DPP6: variants seen among roughly 807,000 people sequenced by gnomAD.
DPP6 encodes dipeptidyl peptidase like 6.
In DPP6, 69 loss-of-function variants were observed where a neutral mutation model predicts 122.6. That is an observed-to-expected ratio of 0.56 (90% CI 0.46 to 0.69). DPP6 has a LOEUF of 0.69. DPP6 is among the 30% of genes least tolerant of loss of function. DPP6 has a pLI of 0.00. For missense variants in DPP6, 928 were observed against 1,116.9 expected (o/e 0.83, Z 2.41); for synonymous variants, 418 against 433.1 (o/e 0.97, Z 0.43).
chr7:154,424,872 C>A (rs1310969811), intron 1 of DPP6, among the ~76,000 whole-genome samples: 1 of 152,210 alleles, frequency 6.6e-6, no homozygotes, highest in Non-Finnish European at 1.5e-5. Context: ...GTAACCTCTG[C>A]CATCTCTTTC....
chr7:154,686,406 A>C (rs1427122405), intron 7 of DPP6, among the ~76,000 whole-genome samples: 1 of 150,346 alleles, frequency 6.7e-6, no homozygotes, highest in Non-Finnish European at 1.5e-5. Flanking sequence ...ATTCAAGGCC[A>C]CCATAAGGAT....
At chr7:154,743,919 TG>T (rs1253909136) in intron 8 of DPP6, among the ~76,000 whole-genome samples, 3 of 152,166 alleles carry the variant, frequency 2.0e-5, no homozygotes, top group Non-Finnish European at 4.4e-5. Flanking sequence ...TGTATTTGGT[TG>T]AAAAAATCTG....
chr7:154,867,934 C>T lies in DPP6; in HGVS notation c.1715-61C>T, dbSNP rs549830986. Reference sequence around the variant, plus strand: ...GTTACGCACATGAAAAGCCATGGCCCGCAGAGGTCCTCCATGAGTGACCAC... The same window carrying T: ...GTTACGCACATGAAAAGCCATGGCCTGCAGAGGTCCTCCATGAGTGACCAC... On this transcript the variant is annotated intron_variant, in intron 17 of 25. Coordinates refer to ENST00000377770, the MANE Select transcript of DPP6 (RefSeq NM_130797.4). 1.1e-5 allele frequency: 16 copies of T among 1,513,170 alleles called. No homozygotes were observed. In the Admixed American group the frequency reaches 1.8e-4, roughly 17 times the overall value. 93.7% of individuals were successfully genotyped at this position (1,513,170 alleles called of 1,614,324 possible). A position where few individuals can be genotyped will look rare whatever the true frequency, so the allele number is the denominator to read the frequency against.
chr7:154,107,800 G>A (rs1056197501), intron 1 of DPP6, among the ~76,000 whole-genome samples: 40 of 152,290 alleles, frequency 2.6e-4, no homozygotes, highest in African/African-American at 9.1e-4. Context: ...AAGTGCTGGT[G>A]AGGGGTTGCT....
upstream of DPP6, among the ~76,000 whole-genome samples, chr7:153,886,489 C>A (rs1220159116): frequency 6.6e-6 from 1 of 152,138 alleles, no homozygotes; most frequent in Non-Finnish European, 1.5e-5. Context: ...GGGGTCAGAT[C>A]CCGCAGGCAG....
chr7:154,742,994 G>A (rs539434467), intron 8 of DPP6, among the ~76,000 whole-genome samples: 4 of 152,282 alleles, frequency 2.6e-5, no homozygotes, highest in African/African-American at 7.2e-5. Context: ...GGAGCATAAC[G>A]TACCATCCTT....
chr7:154,151,393 G>A (rs1796412279), intron 1 of DPP6, among the ~76,000 whole-genome samples: 1 of 152,154 alleles, frequency 6.6e-6, no homozygotes, highest in Non-Finnish European at 1.5e-5. Context: ...TTTTGTCACT[G>A]CATTCCTGTG....
intron 2 of DPP6, among the ~76,000 whole-genome samples, chr7:154,450,109 G>C (rs6464424): frequency 6.6e-6 from 1 of 151,754 alleles, no homozygotes; most frequent in Non-Finnish European, 1.5e-5. Flanking sequence ...GGAATGAAGA[G>C]CTGATCCATG....
intron 1 of DPP6, among the ~76,000 whole-genome samples, chr7:154,141,268 A>G (rs1260552819): frequency 6.6e-6 from 1 of 152,274 alleles, no homozygotes; most frequent in Admixed American, 6.5e-5. Flanking sequence ...TTAAAATTTC[A>G]TTAAACTTTT....
rs1302728172 is a variant in DPP6 at position 154,060,358 on chromosome 7, C to T, written c.243+7295C>T. 4.8e-3 allele frequency among the ~76,000 whole-genome samples: 504 copies of T among 105,564 alleles called. 22 individuals are homozygous for T. Among genetic ancestry groups the T allele is most frequent in the African/African-American group, 0.01 (250 of 24,458 alleles). 69.3% of individuals were successfully genotyped at this position (105,564 alleles called of 152,430 possible). ...GGAGGCACCCCCCGCGAGGCAGGGACTGAGAGCCAGCCCCTGGTTCCCCCA... is the reference window on the plus strand; with the variant it reads ...GGAGGCACCCCCCGCGAGGCAGGGATTGAGAGCCAGCCCCTGGTTCCCCCA... On this transcript the variant is annotated intron_variant, in intron 1 of 25. Transcript: ENST00000377770.
At chr7:154,239,891 C>T (rs1801467325) in intron 1 of DPP6, among the ~76,000 whole-genome samples, 1 of 149,864 alleles carries the variant, frequency 6.7e-6, no homozygotes, top group Admixed American at 6.6e-5. Context: ...ACTGAGGTGG[C>T]TGAGGCAGGA....
rs1472729224 is a variant in DPP6 at position 154,060,675 on chromosome 7, T to G, written c.243+7612T>G. Among the ~76,000 whole-genome samples the G allele has an allele frequency of 2.3e-5, 3 of 128,064 alleles. No homozygotes were observed. In the Admixed American group the frequency reaches 2.5e-4, roughly 11 times the overall value. 84.0% of individuals were successfully genotyped at this position (128,064 alleles called of 152,430 possible). ...CCCCACGAGAGTGGCGACTGAGAGC[T>G]ATCCCCTCTTCCGCCCCTGGCTGTT... On this transcript the variant is annotated intron_variant, in intron 1 of 25. Transcript: ENST00000377770.
chr7:154,679,579 G>A (rs1370024101), intron 7 of DPP6, among the ~76,000 whole-genome samples: 1 of 152,196 alleles, frequency 6.6e-6, no homozygotes, highest in Non-Finnish European at 1.5e-5. Context: ...AAAGGGGGCA[G>A]GGAGCACTTT....
At chr7:154,841,782 C>T (rs944752732) in intron 16 of DPP6, among the ~76,000 whole-genome samples, 2 of 151,942 alleles carry the variant, frequency 1.3e-5, no homozygotes, top group African/African-American at 2.4e-5. Context: ...CCGCGCTCCT[C>T]GGACTGCTGT....
chr7:154,410,254 C>CTGTGACTT (rs1816485443), intron 1 of DPP6, among the ~76,000 whole-genome samples: 1 of 152,188 alleles, frequency 6.6e-6, no homozygotes, highest in African/African-American at 2.4e-5. Context: ...TGTGCTAAAG[C>CTGTGACTT]TGTGACTTGA....
chr7:153,860,936 T>C, the DPP6 span, among the ~76,000 whole-genome samples: 1 of 152,190 alleles, frequency 6.6e-6, no homozygotes, highest in African/African-American at 2.4e-5. Flanking sequence ...CCTACGAATA[T>C]GTTAATTTTT....
intron 1 of DPP6, among the ~76,000 whole-genome samples, chr7:154,220,201 A>G (rs1800224688): frequency 6.6e-6 from 1 of 152,192 alleles, no homozygotes; most frequent in African/African-American, 2.4e-5. Context: ...GGGCTCTGCC[A>G]TCCTTAATGG....
At chr7:154,261,348 G>A (rs572080464) in intron 1 of DPP6, among the ~76,000 whole-genome samples, 2 of 152,302 alleles carry the variant, frequency 1.3e-5, no homozygotes, top group Non-Finnish European at 2.9e-5. Flanking sequence ...GTAGGAGAAC[G>A]AAACTGGATC....
intron 2 of DPP6, among the ~76,000 whole-genome samples, chr7:154,473,652 G>A (rs1435014987): frequency 6.6e-6 from 1 of 152,222 alleles, no homozygotes; most frequent in Non-Finnish European, 1.5e-5. Flanking sequence ...ATTTGTTTAT[G>A]TAATCCTAAC....
Sources: allele counts gnomAD v4.1 joint callset (sites outside exome capture counted in the v4.1 genomes callset), GRCh38; gene constraint gnomAD v4.1.1; transcripts MANE v1.5; gene names NCBI Gene and HGNC (gene_info 2026-07-23, HGNC 2026-07-21).